The following MTHFD1L variants were observed in gnomAD, a reference collection of about 807,000 sequenced individuals.
The protein encoded by MTHFD1L is methylenetetrahydrofolate dehydrogenase (NADP+ dependent) 1 like.
In MTHFD1L, 81 loss-of-function variants were observed where a neutral mutation model predicts 119.5. The ratio of observed to expected loss-of-function variants is 0.68; its 90% CI spans 0.57 to 0.82. The LOEUF (loss-of-function observed/expected upper bound fraction) is 0.82, where lower values mean the gene tolerates loss of function less well. Among genes scored for constraint, MTHFD1L ranks in the 40% least tolerant of loss-of-function variants. MTHFD1L has a pLI of 0.00. For synonymous variants in MTHFD1L, 430 were observed against 475.2 expected, an observed-to-expected ratio of 0.90 and a Z score of 1.24; for missense variants, 1,125 against 1,253.4, an observed-to-expected ratio of 0.90 and a Z score of 1.55.
intron 2 of MTHFD1L, among the ~76,000 whole-genome samples, chr6:150,877,148 GCTCAAGTGATC>G (rs781128423): frequency 1.3e-4 from 20 of 152,144 alleles, no homozygotes; most frequent in Non-Finnish European, 2.2e-4. Context: ...GACCTTCTGG[GCTCAAGTGATC>G]CTCCCACCTC....
chr6:150,894,833 A>G (rs1213633474), intron 7 of MTHFD1L, among the ~76,000 whole-genome samples: 1 of 152,250 alleles, frequency 6.6e-6, no homozygotes, highest in African/African-American at 2.4e-5. Context: ...AGGGTTCCAC[A>G]GAAACCAGAA....
intron 4 of MTHFD1L, 110 bp downstream of exon 4, chr6:150,877,936 C>G (rs555027467): frequency 8.0e-7 from 1 of 1,252,020 alleles, no homozygotes; most frequent in Admixed American, 1.8e-5. Context: ...TTGCTTGTGA[C>G]TGAATGTTAG....
intron 26 of MTHFD1L, among the ~76,000 whole-genome samples, chr6:151,052,530 A>G (rs978770697): frequency 2.0e-5 from 3 of 152,316 alleles, no homozygotes; most frequent in African/African-American, 7.2e-5. Context: ...AAAGAGGAGC[A>G]TTTATGACTC....
chr6:150,887,757 TA>T, intron 6 of MTHFD1L, 87 bp from the exon 7 acceptor site: 1 of 1,418,464 alleles, frequency 7.0e-7, no homozygotes, highest in Non-Finnish European at 9.3e-7. Context: ...ACACCCAGCC[TA>T]AAAGGGTCTT....
intron 26 of MTHFD1L, among the ~76,000 whole-genome samples, chr6:151,078,579 A>C (rs1792814447): frequency 6.6e-6 from 1 of 152,158 alleles, no homozygotes; most frequent in African/African-American, 2.4e-5. Flanking sequence ...CATTCCTTGA[A>C]GTTGTGGGAC....
At chr6:150,956,893 G>C (rs1222388241) in intron 17 of MTHFD1L, among the ~76,000 whole-genome samples, 1 of 150,536 alleles carries the variant, frequency 6.6e-6, no homozygotes, top group Non-Finnish European at 1.5e-5. Flanking sequence ...CGTGGACCTC[G>C]TCTCCTCCCA....
At chr6:150,950,222 A>G (rs543356985) in intron 16 of MTHFD1L, among the ~76,000 whole-genome samples, 1 of 152,254 alleles carries the variant, frequency 6.6e-6, no homozygotes, top group East Asian at 1.9e-4. Context: ...GGACACCCGC[A>G]GTGGCTTCCC....
At chr6:150,970,009 C>T (rs1167231453) in intron 19 of MTHFD1L, among the ~76,000 whole-genome samples, 1 of 152,148 alleles carries the variant, frequency 6.6e-6, no homozygotes, top group Non-Finnish European at 1.5e-5. Context: ...TAATCATTGA[C>T]TAGGAATCTA....
chr6:151,019,643 A>G (rs1254230099), intron 24 of MTHFD1L, among the ~76,000 whole-genome samples: 2 of 152,226 alleles, frequency 1.3e-5, no homozygotes, highest in Non-Finnish European at 2.9e-5. Context: ...TTTGAGCTGC[A>G]TAATTGTTTG....
At chr6:151,008,816 A>T (rs1309277808) in intron 20 of MTHFD1L, among the ~76,000 whole-genome samples, 1 of 152,100 alleles carries the variant, frequency 6.6e-6, no homozygotes, top group Non-Finnish European at 1.5e-5. Context: ...AATTATTCTT[A>T]ATATAAAGGG....
intron 10 of MTHFD1L, among the ~76,000 whole-genome samples, chr6:150,925,878 T>C (rs1789885587): frequency 6.6e-6 from 1 of 152,180 alleles, no homozygotes; most frequent in Admixed American, 6.5e-5. Context: ...ATAGGTGTTA[T>C]ACTTCCACCT....
rs773779062 is a variant in MTHFD1L, at chr6:150,926,318, C to G, written c.1256+23C>G. 2 of 1,591,716 alleles carry G rather than the reference C, an allele frequency of 1.3e-6. No homozygotes were observed. The highest frequency in any genetic ancestry group is 1.7e-5 in the Admixed American group (1 of 59,044). On this transcript the variant is annotated intron_variant, in intron 11 of 27. Transcript: ENST00000367321. The surrounding 1 kb of genome is among the most constrained non-coding windows in gnomAD (Gnocchi z 4.3). Reference sequence around the variant, plus strand: ...TGGGTAAGACACCATCTAACATCTACTTGATCAAGCAGACATATTTACAAA... The same window carrying G: ...TGGGTAAGACACCATCTAACATCTAGTTGATCAAGCAGACATATTTACAAA...
At chr6:150,884,911 G>T (rs543692114) in intron 5 of MTHFD1L, among the ~76,000 whole-genome samples, 1 of 152,106 alleles carries the variant, frequency 6.6e-6, no homozygotes, top group South Asian at 2.1e-4. Context: ...GGTCTTACTG[G>T]GTCACTCCAG....
chr6:150,949,356 T>C (rs1794525492), intron 16 of MTHFD1L, among the ~76,000 whole-genome samples: 1 of 151,998 alleles, frequency 6.6e-6, no homozygotes. Flanking sequence ...TCCCATCTAC[T>C]CCTGTGTCTT....
At chr6:151,012,227 G>A (rs1782386463) in intron 21 of MTHFD1L, among the ~76,000 whole-genome samples, 1 of 151,380 alleles carries the variant, frequency 6.6e-6, no homozygotes, top group Non-Finnish European at 1.5e-5. Flanking sequence ...TGTCTGGCAT[G>A]GTCTATATGC....
intron 20 of MTHFD1L, among the ~76,000 whole-genome samples, chr6:150,988,088 C>G (rs776231997): frequency 1.3e-5 from 2 of 152,010 alleles, no homozygotes; most frequent in African/African-American, 2.4e-5. Context: ...GTTCTGCTTA[C>G]CATCATAAAA....
intron 1 of MTHFD1L, chr6:150,866,508 G>A (rs1367419279): frequency 1.5e-6 from 2 of 1,298,492 alleles, no homozygotes; most frequent in Admixed American, 4.2e-5. Context: ...CGGAGCTCGG[G>A]AGAGGCGGGC....
intron 20 of MTHFD1L, among the ~76,000 whole-genome samples, chr6:150,998,676 T>G (rs1780157400): frequency 6.7e-6 from 1 of 150,042 alleles, no homozygotes; most frequent in Non-Finnish European, 1.5e-5. Context: ...TGCACAAAAT[T>G]ATTAAAACTA....
At chr6:150,899,427 G>A (rs1310013124) in intron 7 of MTHFD1L, among the ~76,000 whole-genome samples, 2 of 152,222 alleles carry the variant, frequency 1.3e-5, no homozygotes, top group South Asian at 4.1e-4. Context: ...CTGGGTGGAC[G>A]TGAAGTGGGT....
Sources: gnomAD v4.1 joint callset for allele counts (sites outside exome capture counted in the v4.1 genomes callset) on GRCh38, gnomAD v4.1.1 for gene constraint, Gnocchi (gnomAD v3.1) non-coding constraint, MANE v1.5 for transcripts, NCBI Gene and HGNC (gene_info 2026-07-23, HGNC 2026-07-21) for gene names.